Variants in TMEM132D observed in about 807,000 individuals in gnomAD.
TMEM132D encodes the protein transmembrane protein 132D, also known as mature OL transmembrane protein.
Under a neutral mutation model 62.3 loss-of-function variants are expected in TMEM132D, and 21 were observed. That is an observed-to-expected ratio of 0.34 (90% CI 0.24 to 0.49). The LOEUF (loss-of-function observed/expected upper bound fraction) is 0.49, where lower values mean the gene tolerates loss of function less well. Ranked by LOEUF, TMEM132D falls within the 20% of genes least tolerant of loss-of-function variation. The pLI, the probability that TMEM132D is intolerant of heterozygous loss-of-function variation, is 0.99. For synonymous variants in TMEM132D, 621 were observed against 575.6 expected (o/e 1.08, Z -1.13); for missense variants, 1,346 against 1,402.8 (o/e 0.96, Z 0.65).
chr12:129,079,072 C>T (rs962534423), intron 7 of TMEM132D, among the ~76,000 whole-genome samples: 1 of 152,176 alleles, frequency 6.6e-6, no homozygotes, highest in African/African-American at 2.4e-5. Context: ...TTCTACAGCA[C>T]AGTGTGTATT....
At chr12:129,400,572 C>T (rs1215895152) in intron 3 of TMEM132D, among the ~76,000 whole-genome samples, 1 of 152,136 alleles carries the variant, frequency 6.6e-6, no homozygotes, top group Non-Finnish European at 1.5e-5. Context: ...GGTCCTCCAT[C>T]CTCTTCACAT....
chr12:129,280,980 A>G, intron 4 of TMEM132D, among the ~76,000 whole-genome samples: 1 of 151,736 alleles, frequency 6.6e-6, no homozygotes, highest in Non-Finnish European at 1.5e-5. Context: ...TTTGAAATTT[A>G]TTTTCTTAAA....
intron 2 of TMEM132D, among the ~76,000 whole-genome samples, chr12:129,598,902 G>C (rs1878415155): frequency 1.3e-5 from 2 of 152,136 alleles, no homozygotes; most frequent in Non-Finnish European, 2.9e-5. Flanking sequence ...TTTGATTAAG[G>C]CCTGGCTGCT....
intron 3 of TMEM132D, among the ~76,000 whole-genome samples, chr12:129,466,430 C>A (rs1423744912): frequency 6.6e-6 from 1 of 151,738 alleles, no homozygotes; most frequent in Non-Finnish European, 1.5e-5. Context: ...TCCCCGCCCC[C>A]GTCCTAAGCC....
In TMEM132D at chr12:129,869,063, TG is replaced by T. The variant is rs1477962676; in HGVS notation, c.79+34197del. ...GCCACTGTGTTTTTATTTTGCTTTG[TG>T]TTTTTTTTTTTTTAATATGAATGTC... On this transcript the variant is annotated intron_variant, in intron 1 of 8. Transcript: ENST00000422113. Among the ~76,000 whole-genome samples the T allele has an allele frequency of 4.3e-4, 25 of 58,058 alleles. No individual in the cohort carries two copies. In the East Asian group the frequency reaches 0.064, roughly 148 times the overall value. The allele number at this position is 58,058 out of a possible 152,430, so 38.1% of individuals were successfully genotyped here. A position where few individuals can be genotyped will look rare whatever the true frequency, so the allele number is the denominator to read the frequency against.
chr12:129,556,076 A>T (rs770133464), intron 2 of TMEM132D, among the ~76,000 whole-genome samples: 1 of 152,166 alleles, frequency 6.6e-6, no homozygotes, highest in Non-Finnish European at 1.5e-5. Context: ...CTAGACACCA[A>T]CGCAAAGCAT....
intron 5 of TMEM132D, among the ~76,000 whole-genome samples, chr12:129,187,295 C>T (rs1878246085): frequency 5.3e-5 from 8 of 152,136 alleles, no homozygotes; most frequent in Admixed American, 5.2e-4. Flanking sequence ...TTGTGTTAGG[C>T]CACACACAAA....
chr12:129,334,744 C>G (rs1448795512), intron 4 of TMEM132D, among the ~76,000 whole-genome samples: 4 of 152,150 alleles, frequency 2.6e-5, no homozygotes, highest in Non-Finnish European at 4.4e-5. Context: ...TGTGAGTCAC[C>G]AGAGCCGGCT....
At chr12:129,336,864 G>A (rs1869297864) in intron 4 of TMEM132D, among the ~76,000 whole-genome samples, 1 of 152,198 alleles carries the variant, frequency 6.6e-6, no homozygotes, top group Non-Finnish European at 1.5e-5. Flanking sequence ...CCAGAGGTGT[G>A]GAAAGGAGCA....
chr12:129,686,069 T>C (rs988437831), intron 2 of TMEM132D, among the ~76,000 whole-genome samples: 2 of 152,192 alleles, frequency 1.3e-5, no homozygotes, highest in African/African-American at 2.4e-5. Context: ...TTTTCTCAGA[T>C]GAAACTTTGA....
At chr12:129,417,927 T>C (rs920897043) in intron 3 of TMEM132D, among the ~76,000 whole-genome samples, 2 of 152,196 alleles carry the variant, frequency 1.3e-5, no homozygotes, top group South Asian at 2.1e-4. Flanking sequence ...GACGTTTATG[T>C]GGCCAAGAAA....
At chr12:129,559,624 T>G (rs1202822381) in intron 2 of TMEM132D, among the ~76,000 whole-genome samples, 1 of 152,218 alleles carries the variant, frequency 6.6e-6, no homozygotes, top group Non-Finnish European at 1.5e-5. Flanking sequence ...TCATTCCTCT[T>G]CATCTAACAT....
chr12:129,158,817 GT>G (rs1161655640), intron 5 of TMEM132D, among the ~76,000 whole-genome samples: 3 of 152,184 alleles, frequency 2.0e-5, no homozygotes, highest in African/African-American at 4.8e-5. Context: ...AACAAAAGAG[GT>G]TTAATTGACT....
chr12:129,225,786 T>G (rs1279132036), intron 4 of TMEM132D, among the ~76,000 whole-genome samples: 1 of 152,166 alleles, frequency 6.6e-6, no homozygotes, highest in Admixed American at 6.5e-5. Flanking sequence ...GAAGAAGACA[T>G]AACCTGCCGT....
intron 3 of TMEM132D, among the ~76,000 whole-genome samples, chr12:129,359,797 G>A (rs944524840): frequency 3.3e-5 from 5 of 152,112 alleles, no homozygotes; most frequent in Admixed American, 6.5e-5. Flanking sequence ...GAGTTGACTT[G>A]AGAGTATTCT....
intron 1 of TMEM132D, among the ~76,000 whole-genome samples, chr12:129,787,035 G>A (rs1304804002): frequency 1.3e-5 from 2 of 152,196 alleles, no homozygotes; most frequent in Non-Finnish European, 2.9e-5. Context: ...ATCCCCGCTG[G>A]TGCAGTGAGA....
In TMEM132D at chr12:129,899,341, AT is replaced by A. The variant is rs1432395575; in HGVS notation, c.79+3919del. 7.5e-4 allele frequency among the ~76,000 whole-genome samples: 94 copies of A among 124,754 alleles called. 7 individuals carry two copies. Among genetic ancestry groups the A allele is most frequent in the African/African-American group, 2.8e-3 (78 of 27,894 alleles). 81.8% of individuals were successfully genotyped at this position (124,754 alleles called of 152,430 possible). A position where few individuals can be genotyped will look rare whatever the true frequency, so the allele number is the denominator to read the frequency against. ...GATGGATGGATGGATGGATGGATGG[AT>A]GATGGATGGAGGGATGGATGGATGG... is the stretch of plus-strand genomic sequence containing the variant. On this transcript the variant is annotated intron_variant, in intron 1 of 8. Transcript: ENST00000422113.
At chr12:129,576,141 G>A (rs1031342204) in intron 2 of TMEM132D, among the ~76,000 whole-genome samples, 13 of 151,854 alleles carry the variant, frequency 8.6e-5, no homozygotes, top group Admixed American at 2.6e-4. Flanking sequence ...CGGCCCATGC[G>A]TCTTTGCATG....
At chr12:129,890,333 C>T (rs1379951087) in intron 1 of TMEM132D, among the ~76,000 whole-genome samples, 2 of 152,070 alleles carry the variant, frequency 1.3e-5, no homozygotes, top group Non-Finnish European at 2.9e-5. Flanking sequence ...TGGTTATTTA[C>T]GGGTAGTCCT....
Sources: gnomAD v4.1 joint callset for allele counts (sites outside exome capture counted in the v4.1 genomes callset) on GRCh38, gnomAD v4.1.1 for gene constraint, MANE v1.5 for transcripts, NCBI Gene and HGNC (gene_info 2026-07-23, HGNC 2026-07-21) for gene names.